Variants in SLC4A4 observed in about 807,000 individuals in gnomAD.
SLC4A4 encodes electrogenic sodium bicarbonate cotransporter 1.
Under a neutral mutation model 111.5 loss-of-function variants are expected in SLC4A4, and 27 were observed. The observed-to-expected ratio is 0.24, with a 90% CI of 0.18 to 0.33. The LOEUF is 0.33. Ranked by LOEUF, SLC4A4 falls within the 10% of genes least tolerant of loss-of-function variation. The probability of loss-of-function intolerance (pLI) is 1.00; values close to 1 mark genes in which losing one functional copy is unlikely to be tolerated. For synonymous variants in SLC4A4, 443 were observed against 463.4 expected, an observed-to-expected ratio of 0.96 and a Z score of 0.57; for missense variants, 909 against 1,315.5, an observed-to-expected ratio of 0.69 and a Z score of 4.78.
At chr4:71,074,279 T>C (rs140685508) in intron 1 of SLC4A4, among the ~76,000 whole-genome samples, 9 of 152,252 alleles carry the variant, frequency 5.9e-5, no homozygotes, top group African/African-American at 1.7e-4. Flanking sequence ...AAGAGGAGAA[T>C]AGGCTGAGAC....
At chr4:71,256,202 T>C (rs1340463535) in intron 3 of SLC4A4, among the ~76,000 whole-genome samples, 1 of 152,178 alleles carries the variant, frequency 6.6e-6, no homozygotes. Flanking sequence ...CAGCTTTTCA[T>C]GTTGGCAGAG....
chr4:71,350,042 C>A lies in SLC4A4; in HGVS notation c.520C>A (p.Arg174=). 2 of 1,614,082 alleles carry A rather than the reference C, an allele frequency of 1.2e-6. No homozygotes were observed. The highest frequency in any genetic ancestry group is 1.1e-5 in the South Asian group (1 of 91,060). ...GGAGAAAGGATCCATCATGCTTGAT[C>A]GGGAGGCTTCTTCTCTCCCACAGTT... ...CMEKGSIMLD[R]EASSLPQLVE... Residue 174 remains arginine, a synonymous_variant, in exon 5 of 26, where the codon CGG becomes AGG. Coordinates refer to ENST00000264485, the MANE Select transcript of SLC4A4 (RefSeq NM_001098484.3).
intron 2 of SLC4A4, among the ~76,000 whole-genome samples, chr4:71,237,854 T>C (rs1164890796): frequency 3.9e-5 from 6 of 152,206 alleles, no homozygotes; most frequent in African/African-American, 1.4e-4. Flanking sequence ...ATGCCTAAGT[T>C]TCTTAGGAAA....
chr4:71,272,857 ATG>A (rs1722793346), intron 3 of SLC4A4, among the ~76,000 whole-genome samples: 1 of 152,232 alleles, frequency 6.6e-6, no homozygotes, highest in African/African-American at 2.4e-5. Flanking sequence ...AGATATAGCA[ATG>A]TCACAAATTG....
intron 6 of SLC4A4, among the ~76,000 whole-genome samples, chr4:71,378,153 TG>T (rs967383705): frequency 2.0e-5 from 3 of 152,120 alleles, no homozygotes; most frequent in Admixed American, 6.5e-5. Context: ...GAGATTTGGG[TG>T]GGGACACAGC....
chr4:71,196,174 C>T (rs1745991243), intron 1 of SLC4A4, among the ~76,000 whole-genome samples: 1 of 152,168 alleles, frequency 6.6e-6, no homozygotes, highest in South Asian at 2.1e-4. Context: ...GAGACTCTGT[C>T]CTTAGGAATG....
chr4:71,255,547 A>G, intron 3 of SLC4A4, 148 bp downstream of exon 3: 2 of 933,384 alleles, frequency 2.1e-6, no homozygotes, highest in Non-Finnish European at 1.7e-6. Context: ...GTCTGTGGAG[A>G]TGCTTTGCTT....
At chr4:71,089,518 C>G (rs1742312834) in intron 1 of SLC4A4, among the ~76,000 whole-genome samples, 1 of 151,996 alleles carries the variant, frequency 6.6e-6, no homozygotes, top group African/African-American at 2.4e-5. Context: ...TTTTCCCCAT[C>G]TTTGTGGTTT....
intron 7 of SLC4A4, 37 bp downstream of exon 7, chr4:71,397,690 G>C (rs769785805): frequency 6.6e-7 from 1 of 1,525,798 alleles, no homozygotes; most frequent in Middle Eastern, 1.7e-4. Context: ...AAATGTAAGA[G>C]AACGTATATC....
chr4:71,453,937 G>A (rs866716124), intron 12 of SLC4A4, among the ~76,000 whole-genome samples: 13 of 152,276 alleles, frequency 8.5e-5, no homozygotes, highest in Middle Eastern at 3.4e-3. Flanking sequence ...TTGGGCAAAA[G>A]CATATCAGCT....
At chr4:71,157,678 T>G (rs539626524) in intron 2 of SLC4A4, among the ~76,000 whole-genome samples, 4 of 152,214 alleles carry the variant, frequency 2.6e-5, no homozygotes, top group Non-Finnish European at 5.9e-5. Context: ...TTTTGATTAT[T>G]CAAAGACCTT....
intron 3 of SLC4A4, among the ~76,000 whole-genome samples, chr4:71,264,982 A>G (rs558989560): frequency 1.3e-5 from 2 of 152,232 alleles, no homozygotes; most frequent in African/African-American, 2.4e-5. Flanking sequence ...TTTGTGAGCT[A>G]TTGTTTGCAT....
chr4:71,391,786 A>T (rs552963729), intron 6 of SLC4A4, among the ~76,000 whole-genome samples: 1 of 152,126 alleles, frequency 6.6e-6, no homozygotes, highest in Admixed American at 6.6e-5. Context: ...GAACAAGCAT[A>T]AGACATTTTT....
intron 2 of SLC4A4, among the ~76,000 whole-genome samples, chr4:71,169,191 A>T (rs868000615): frequency 8.5e-4 from 123 of 144,148 alleles, no homozygotes; most frequent in African/African-American, 2.7e-3. Flanking sequence ...TTTTTTTTTT[A>T]ATTTAGTAGG....
chr4:71,063,559 T>C (rs1481597731), intron 1 of SLC4A4, among the ~76,000 whole-genome samples: 1 of 152,120 alleles, frequency 6.6e-6, no homozygotes, highest in Non-Finnish European at 1.5e-5. Flanking sequence ...GTACCTGGTA[T>C]TTTTAATATG....
At chr4:71,307,935 G>A (rs1488451708) in intron 3 of SLC4A4, among the ~76,000 whole-genome samples, 1 of 152,022 alleles carries the variant, frequency 6.6e-6, no homozygotes, top group Non-Finnish European at 1.5e-5. Context: ...CTCTTACACT[G>A]CCCCAACTAT....
intron 2 of SLC4A4, among the ~76,000 whole-genome samples, chr4:71,105,305 A>C (rs1429403137): frequency 4.0e-5 from 6 of 150,172 alleles, no homozygotes; most frequent in Admixed American, 2.6e-4. Flanking sequence ...TTCTATGCTC[A>C]TGGGTAGGAA....
intron 12 of SLC4A4, among the ~76,000 whole-genome samples, chr4:71,456,957 C>T (rs1481471834): frequency 2.0e-5 from 3 of 152,160 alleles, no homozygotes; most frequent in Non-Finnish European, 2.9e-5. Flanking sequence ...AAAGCACAGG[C>T]AGCTCAAATG....
At chr4:71,103,060 A>G (rs908711713) in intron 2 of SLC4A4, among the ~76,000 whole-genome samples, 301 of 151,804 alleles carry the variant, frequency 2.0e-3, no homozygotes, top group African/African-American at 6.8e-3. Flanking sequence ...GGCTCAAAAT[A>G]AAAGGTTGGA....
Sources: gnomAD v4.1 joint callset for allele counts (sites outside exome capture counted in the v4.1 genomes callset) on GRCh38, gnomAD v4.1.1 for gene constraint, MANE v1.5 for transcripts, NCBI Gene and HGNC (gene_info 2026-07-23, HGNC 2026-07-21) for gene names.